The following AUTS2 variants were observed in gnomAD, a reference collection of about 807,000 sequenced individuals.
AUTS2 encodes activator of transcription and developmental regulator AUTS2, also known as autism susceptibility gene 2 protein.
A neutral mutation model predicts 112.4 loss-of-function variants in AUTS2; 17 were observed. That is an observed-to-expected ratio of 0.15 (90% CI 0.10 to 0.23). The LOEUF (loss-of-function observed/expected upper bound fraction) is 0.23. AUTS2 is among the 10% of genes least tolerant of loss of function. AUTS2 has a pLI of 1.00. For synonymous variants in AUTS2, 751 were observed against 702.7 expected (o/e 1.07, Z -1.09); for missense variants, 1,510 against 1,701.6 (o/e 0.89, Z 1.98).
At chr7:70,588,041 A>G (rs781298042) in intron 5 of AUTS2, among the ~76,000 whole-genome samples, 13 of 152,196 alleles carry the variant, frequency 8.5e-5, no homozygotes, top group Admixed American at 1.3e-4. Context: ...AGGTTCTTCA[A>G]CAACACCTCG....
At chr7:70,496,802 A>C (rs1443339700) in intron 5 of AUTS2, among the ~76,000 whole-genome samples, 1 of 130,156 alleles carries the variant, frequency 7.7e-6, no homozygotes, top group Non-Finnish European at 1.6e-5. Flanking sequence ...CACACCCCAC[A>C]CATGCACACG....
intron 5 of AUTS2, among the ~76,000 whole-genome samples, chr7:70,523,300 G>A: frequency 6.6e-6 from 1 of 152,324 alleles, no homozygotes; most frequent in South Asian, 2.1e-4. Flanking sequence ...TGGTTGAACT[G>A]CTTGTCCTTC....
intron 1 of AUTS2, among the ~76,000 whole-genome samples, chr7:69,718,554 C>G (rs191718132): frequency 1.3e-5 from 2 of 152,176 alleles, no homozygotes; most frequent in East Asian, 3.8e-4. Context: ...TCCATAGTTA[C>G]ATCTTCCTCT....
intron 6 of AUTS2, among the ~76,000 whole-genome samples, chr7:70,754,382 T>G (rs1789057077): frequency 6.6e-6 from 1 of 151,606 alleles, no homozygotes; most frequent in Non-Finnish European, 1.5e-5. Flanking sequence ...CCCAGCTACT[T>G]GGAGACTAAG....
intron 2 of AUTS2, among the ~76,000 whole-genome samples, chr7:69,904,845 G>C (rs1795093718): frequency 6.6e-6 from 1 of 152,168 alleles, no homozygotes; most frequent in Non-Finnish European, 1.5e-5. Flanking sequence ...AGGAAAGATG[G>C]AGGGAATAAA....
chr7:70,333,240 A>G (rs1790839818), intron 4 of AUTS2, among the ~76,000 whole-genome samples: 1 of 152,230 alleles, frequency 6.6e-6, no homozygotes, highest in South Asian at 2.1e-4. Flanking sequence ...AGAAATGCAA[A>G]TCAAAACTGC....
At chr7:70,756,456 C>T (rs747552518) in intron 6 of AUTS2, among the ~76,000 whole-genome samples, 3 of 152,074 alleles carry the variant, frequency 2.0e-5, no homozygotes, top group Admixed American at 6.6e-5. Flanking sequence ...TATTTTATAG[C>T]GCATTCATTT....
At chr7:70,321,154 T>C (rs1585015211) in intron 4 of AUTS2, among the ~76,000 whole-genome samples, 1 of 152,180 alleles carries the variant, frequency 6.6e-6, no homozygotes, top group Non-Finnish European at 1.5e-5. Context: ...ATTTGAAAGG[T>C]TGGAAATCTG....
intron 1 of AUTS2, among the ~76,000 whole-genome samples, chr7:69,857,311 C>T (rs1282347030): frequency 6.6e-6 from 1 of 152,130 alleles, no homozygotes; most frequent in African/African-American, 2.4e-5. Flanking sequence ...TTCTATATGT[C>T]GGTCTTTATT....
intron 5 of AUTS2, among the ~76,000 whole-genome samples, chr7:70,670,036 A>G (rs2129543868): frequency 6.6e-6 from 1 of 152,340 alleles, no homozygotes; most frequent in South Asian, 2.1e-4. Context: ...CGCTAAAACC[A>G]CAAAGTAACG....
chr7:70,402,407 G>A lies in AUTS2; in HGVS notation c.661-33345G>A, dbSNP rs551095663. On this transcript the variant is annotated intron_variant, in intron 4 of 18. Coordinates refer to ENST00000342771, the MANE Select transcript of AUTS2 (RefSeq NM_015570.4). ...TCAGAAGGTGCTCTGTGAAGCTGAC[G>A]CAGAATCACAGTTTGCTGTAAAAAG... is the stretch of plus-strand genomic sequence containing the variant. Among the ~76,000 whole-genome samples, 56 of 152,342 alleles carry A rather than the reference G, an allele frequency of 3.7e-4. 1 individual carries two copies. The highest frequency in any genetic ancestry group is 1.3e-3 in the African/African-American group (52 of 41,582).
chr7:70,558,836 G>A (rs928572136), intron 5 of AUTS2, among the ~76,000 whole-genome samples: 1 of 152,180 alleles, frequency 6.6e-6, no homozygotes. Context: ...AAATATTCTT[G>A]TGGAGTGAAG....
At chr7:69,612,392 G>A (rs1286680797) in intron 1 of AUTS2, among the ~76,000 whole-genome samples, 2 of 151,938 alleles carry the variant, frequency 1.3e-5, no homozygotes, top group South Asian at 2.1e-4. Flanking sequence ...CTTTCTGTGT[G>A]TTTTTTGGGA....
At chr7:70,380,019 A>T (rs1035800761) in intron 4 of AUTS2, among the ~76,000 whole-genome samples, 2 of 152,222 alleles carry the variant, frequency 1.3e-5, no homozygotes, top group Non-Finnish European at 2.9e-5. Context: ...CAGGGTGAGG[A>T]TGCATCATGT....
chr7:70,510,709 T>A (rs527716450), intron 5 of AUTS2, among the ~76,000 whole-genome samples: 2 of 152,156 alleles, frequency 1.3e-5, no homozygotes, highest in Non-Finnish European at 2.9e-5. Context: ...TTGAAAAAAA[T>A]GTAAAACTCA....
intron 6 of AUTS2, among the ~76,000 whole-genome samples, chr7:70,745,811 A>T (rs1439656172): frequency 6.6e-6 from 1 of 152,214 alleles, no homozygotes; most frequent in African/African-American, 2.4e-5. Context: ...GCTTCCAATT[A>T]TTTCACACTT....
At chr7:69,720,426 T>A (rs529991125) in intron 1 of AUTS2, among the ~76,000 whole-genome samples, 1 of 152,328 alleles carries the variant, frequency 6.6e-6, no homozygotes, top group South Asian at 2.1e-4. Flanking sequence ...TCACCTGACC[T>A]AATGATGTGT....
At chr7:70,331,826 A>G (rs890730985) in intron 4 of AUTS2, among the ~76,000 whole-genome samples, 2 of 152,192 alleles carry the variant, frequency 1.3e-5, no homozygotes, top group Non-Finnish European at 2.9e-5. Context: ...ATATTGAAAT[A>G]ATAAAAGCTA....
At chr7:70,207,416 G>T (rs1810626746) in intron 4 of AUTS2, among the ~76,000 whole-genome samples, 1 of 151,998 alleles carries the variant, frequency 6.6e-6, no homozygotes, top group Non-Finnish European at 1.5e-5. Context: ...GGTAGGATTT[G>T]ATTTGAAAAA....
Sources: gnomAD v4.1 joint callset for allele counts (sites outside exome capture counted in the v4.1 genomes callset) on GRCh38, gnomAD v4.1.1 for gene constraint, MANE v1.5 for transcripts, NCBI Gene and HGNC (gene_info 2026-07-23, HGNC 2026-07-21) for gene names.